Variants in CEP78 observed in about 807,000 individuals in gnomAD.
CEP78 encodes centrosomal protein 78, also known as centrosomal protein of 78 kDa.
Under a neutral mutation model 81.2 loss-of-function variants are expected in CEP78, and 76 were observed. The observed-to-expected ratio is 0.94, with a 90% CI of 0.78 to 1.13. CEP78 has a LOEUF of 1.13. Among genes scored for constraint, CEP78 ranks in the 50% most tolerant of loss-of-function variants. The pLI is 0.00. For missense variants in CEP78, 918 were observed against 846.8 expected (o/e 1.08, Z -1.04); for synonymous variants, 293 against 301.4 (o/e 0.97, Z 0.29).
chr9:78,259,669 T>C (rs1435843664), intron 11 of CEP78, among the ~76,000 whole-genome samples: 1 of 152,200 alleles, frequency 6.6e-6, no homozygotes, highest in Non-Finnish European at 1.5e-5. Context: ...AATTTACTCC[T>C]TTCAAGAGCC....
intron 8 of CEP78, among the ~76,000 whole-genome samples, chr9:78,251,037 G>A (rs140135904): frequency 2.7e-3 from 416 of 152,158 alleles, no homozygotes; most frequent in African/African-American, 9.2e-3. Flanking sequence ...AAATATAACC[G>A]TTTTAATAAA....
chr9:78,248,237 A>G, intron 6 of CEP78, 54 bp from the exon 7 acceptor site: 2 of 907,392 alleles, frequency 2.2e-6, no homozygotes, highest in East Asian at 2.6e-5. Context: ...TTAAATGGGA[A>G]TAGCCACTCA....
chr9:78,240,308 C>T lies in CEP78; in HGVS notation c.443C>T (p.Ala148Val). The change falls in exon 3 of 17, where the codon GCT becomes GTT. Residue 148 changes from alanine to valine, a missense_variant. Transcript: ENST00000643273. ...TILAKGLNKS[A>V]SLVHLSLANC... Reference sequence around the variant, plus strand: ...TCATTAAAGGGATTGAATAAATCGGCTTCTTTGGTGCACCTGTCTCTTGCA... The same window carrying T: ...TCATTAAAGGGATTGAATAAATCGGTTTCTTTGGTGCACCTGTCTCTTGCA... The T allele has an allele frequency of 4.4e-6, 7 of 1,600,580 alleles. No homozygotes were observed. Among genetic ancestry groups the T allele is most frequent in the Non-Finnish European group, 6.0e-6 (7 of 1,172,436 alleles).
At chr9:78,257,998 G>A (rs1473586899) in intron 11 of CEP78, among the ~76,000 whole-genome samples, 1 of 152,204 alleles carries the variant, frequency 6.6e-6, no homozygotes, top group Non-Finnish European at 1.5e-5. Flanking sequence ...GCAGTAGGCA[G>A]TATTAATTTA....
intron 15 of CEP78, among the ~76,000 whole-genome samples, 166 bp downstream of exon 15, chr9:78,266,072 C>T (rs1827514719): frequency 6.6e-6 from 1 of 152,296 alleles, no homozygotes; most frequent in East Asian, 1.9e-4. Context: ...CATCTGCCAT[C>T]TCAGCCAGTC....
At chr9:78,252,772 T>C (rs935877916) in intron 9 of CEP78, among the ~76,000 whole-genome samples, 7 of 152,232 alleles carry the variant, frequency 4.6e-5, no homozygotes, top group Non-Finnish European at 7.3e-5. Context: ...GTATAATCTT[T>C]GTTAGGCAAC....
At chr9:78,243,280 A>G (rs914888219) in intron 4 of CEP78, among the ~76,000 whole-genome samples, 182 bp from the exon 5 acceptor site, 3 of 152,206 alleles carry the variant, frequency 2.0e-5, no homozygotes, top group Admixed American at 6.5e-5. Context: ...ACAGACTAGT[A>G]TCTGGGTCAC....
At chr9:78,256,528 T>A (rs1009256214) in intron 11 of CEP78, among the ~76,000 whole-genome samples, 1 of 136,886 alleles carries the variant, frequency 7.3e-6, no homozygotes, top group African/African-American at 2.7e-5. Flanking sequence ...TCCCTTATTT[T>A]TTTTTTTTTT....
chr9:78,266,727 G>C (rs377652642), intron 16 of CEP78, 24 bp downstream of exon 16: 2 of 1,610,968 alleles, frequency 1.2e-6, no homozygotes, highest in African/African-American at 1.3e-5. Context: ...AAAACACTCT[G>C]ATAAGCAACA....
At position 78,279,507 on chromosome 9, in the gene CEP78, G is replaced by A. The variant is rs1419964318; in HGVS notation, c.*8656G>A. On this transcript the variant is annotated 3_prime_UTR_variant, in exon 17 of 17. Coordinates refer to ENST00000643273, the MANE Select transcript of CEP78 (RefSeq NM_001330691.3). ...TATTATTTTAAAGAAGAAGGAATGA[G>A]GCCTGAGAGGTATTGATTCACTTGG... 1 of 152,188 alleles carries A rather than the reference G, an allele frequency of 6.6e-6. No individual in the cohort carries two copies. Among genetic ancestry groups the A allele is most frequent in the Admixed American group, 6.5e-5 (1 of 15,274 alleles). 9.4% of individuals were successfully genotyped at this position (152,188 alleles called of 1,614,324 possible). A position where few individuals can be genotyped will look rare whatever the true frequency, so the allele number is the denominator to read the frequency against.
intron 1 of CEP78, among the ~76,000 whole-genome samples, chr9:78,239,804 A>G (rs1826134486): frequency 6.6e-6 from 1 of 152,080 alleles, no homozygotes; most frequent in African/African-American, 2.4e-5. Context: ...CAGCTTCAGG[A>G]TTATCTTGAA....
intron 12 of CEP78, 84 bp from the exon 13 acceptor site, chr9:78,264,066 A>C (rs1827397908): frequency 1.0e-6 from 1 of 980,478 alleles, no homozygotes; most frequent in African/African-American, 1.7e-5. Flanking sequence ...TACATTTTTA[A>C]AATGTTTTAT....
chr9:78,256,457 C>T (rs531229973), intron 11 of CEP78, among the ~76,000 whole-genome samples: 3 of 151,700 alleles, frequency 2.0e-5, no homozygotes, highest in Non-Finnish European at 2.9e-5. Context: ...TCCTGCCATA[C>T]TGGCTACCCA....
intron 6 of CEP78, among the ~76,000 whole-genome samples, chr9:78,247,679 G>C (rs1826558603): frequency 6.6e-6 from 1 of 152,130 alleles, no homozygotes; most frequent in African/African-American, 2.4e-5. Context: ...ACTTGTAGGG[G>C]GCTATAAAAG....
chr9:78,263,247 C>T (rs1259642042), intron 12 of CEP78, among the ~76,000 whole-genome samples: 1 of 151,972 alleles, frequency 6.6e-6, no homozygotes, highest in African/African-American at 2.4e-5. Context: ...ATTTTCTGTT[C>T]ATGATGCATC....
chr9:78,268,405 TTA>T (rs918289900), intron 16 of CEP78, among the ~76,000 whole-genome samples: 1 of 152,176 alleles, frequency 6.6e-6, no homozygotes, highest in African/African-American at 2.4e-5. Context: ...AGATCGAGTC[TTA>T]TAATCCACGT....
At chr9:78,261,844 A>G (rs992751201) in intron 11 of CEP78, among the ~76,000 whole-genome samples, 2 of 152,168 alleles carry the variant, frequency 1.3e-5, no homozygotes, top group Non-Finnish European at 2.9e-5. Flanking sequence ...GTTGGCTTTA[A>G]CTGATAATGA....
At chr9:78,252,934 A>C (rs1826834417) in intron 9 of CEP78, among the ~76,000 whole-genome samples, 1 of 152,168 alleles carries the variant, frequency 6.6e-6, no homozygotes, top group African/African-American at 2.4e-5. Flanking sequence ...TCTTGGTCAC[A>C]AGGAGTTGTG....
At chr9:78,269,931 G>A (rs1365686420) in intron 16 of CEP78, among the ~76,000 whole-genome samples, 1 of 152,178 alleles carries the variant, frequency 6.6e-6, no homozygotes, top group Non-Finnish European at 1.5e-5. Context: ...ATGTTCTTAA[G>A]ACTAAAAGAA....
Sources: allele counts gnomAD v4.1 joint callset (sites outside exome capture counted in the v4.1 genomes callset), GRCh38; gene constraint gnomAD v4.1.1; transcripts MANE v1.5; gene names NCBI Gene and HGNC (gene_info 2026-07-23, HGNC 2026-07-21).